The following GDPD4 variants were observed in gnomAD, a reference collection of about 807,000 sequenced individuals.
The protein encoded by GDPD4 is glycerophosphodiester phosphodiesterase 6.
Under a neutral mutation model 67.8 loss-of-function variants are expected in GDPD4, and 60 were observed. The ratio of observed to expected loss-of-function variants is 0.88; its 90% CI spans 0.72 to 1.10. The LOEUF is 1.10. Among genes scored for constraint, GDPD4 ranks in the 50% least tolerant of loss-of-function variants. The probability of loss-of-function intolerance (pLI) is 0.00; values close to 1 mark genes in which losing one functional copy is unlikely to be tolerated. For missense variants in GDPD4, 623 were observed against 613.9 expected, an observed-to-expected ratio of 1.01 and a Z score of -0.16; for synonymous variants, 212 against 210.9, an observed-to-expected ratio of 1.00 and a Z score of -0.04.
chr11:77,246,446 C>A (rs1361635842), intron 11 of GDPD4, among the ~76,000 whole-genome samples: 6 of 152,146 alleles, frequency 3.9e-5, no homozygotes, highest in Admixed American at 3.9e-4. Flanking sequence ...TTATTAACGA[C>A]TATATTTATA....
At chr11:77,233,948 T>C (rs990203297) in intron 13 of GDPD4, among the ~76,000 whole-genome samples, 3 of 152,226 alleles carry the variant, frequency 2.0e-5, no homozygotes, top group East Asian at 1.9e-4. Context: ...GAACTGTTTA[T>C]AGAGACAGGG....
At chr11:77,289,649 TGA>T (rs1937698633) in intron 1 of GDPD4, among the ~76,000 whole-genome samples, 1 of 151,104 alleles carries the variant, frequency 6.6e-6, no homozygotes, top group Admixed American at 6.6e-5. Context: ...AAGAATTGTT[TGA>T]ACCTGGAAGG....
chr11:77,236,732 AC>A (rs1591536320), intron 13 of GDPD4, among the ~76,000 whole-genome samples: 31 of 151,386 alleles, frequency 2.0e-4, no homozygotes, highest in South Asian at 1.0e-3. Flanking sequence ...AGAAGGAAAC[AC>A]ACACACACAC....
At chr11:77,223,110 T>C (rs1256017502) in intron 16 of GDPD4, among the ~76,000 whole-genome samples, 1 of 152,216 alleles carries the variant, frequency 6.6e-6, no homozygotes, top group Non-Finnish European at 1.5e-5. Flanking sequence ...TTATTCTAGT[T>C]AGCCATTCGT....
intron 10 of GDPD4, among the ~76,000 whole-genome samples, chr11:77,260,056 C>T (rs2007466): frequency 0.34 from 52,014 of 151,858 alleles, 9,175 homozygotes; most frequent in Admixed American, 0.46. Context: ...CGCGGTGGCT[C>T]ACGCCTGTAA....
chr11:77,219,371 A>C (rs1312075800), intron 16 of GDPD4, among the ~76,000 whole-genome samples: 1 of 152,164 alleles, frequency 6.6e-6, no homozygotes, highest in African/African-American at 2.4e-5. Context: ...TGCTGTGCAG[A>C]AGCTCTTTAA....
chr11:77,222,947 CTTCTCACTTCAT>C (rs1301380513), intron 16 of GDPD4, among the ~76,000 whole-genome samples: 1 of 151,946 alleles, frequency 6.6e-6, no homozygotes, highest in Non-Finnish European at 1.5e-5. Context: ...CTCTACTTCT[CTTCTCACTTCAT>C]TTCATTAATT....
chr11:77,217,797 G>A (rs1390692431), intron 16 of GDPD4, among the ~76,000 whole-genome samples: 2 of 152,132 alleles, frequency 1.3e-5, no homozygotes, highest in Admixed American at 6.6e-5. Flanking sequence ...AATGGAGCTA[G>A]GAGATCAAGA....
rs1461369066 is a variant in GDPD4 at position 77,248,710 on chromosome 11, CATTT to C, written c.865-3212_865-3209del. Among the ~76,000 whole-genome samples, 9 of 151,816 alleles carry C rather than the reference CATTT, an allele frequency of 5.9e-5. No homozygotes were observed. The East Asian group carries it at 1.8e-3, about 30-fold the overall frequency. On this transcript the variant is annotated intron_variant, in intron 11 of 16. Coordinates refer to ENST00000315938, the MANE Select transcript of GDPD4 (RefSeq NM_182833.3). ...TCTTCTCTATGGCACTTTCCCTGTA[CATTT>C]ATTTATTTATTTTTAATTTTTATTT...
chr11:77,252,039 TTTTTTTGTTTGTTTG>T (rs1482229889), intron 11 of GDPD4, among the ~76,000 whole-genome samples: 63 of 107,796 alleles, frequency 5.8e-4, no homozygotes, highest in African/African-American at 2.3e-3. Flanking sequence ...TCCATTTGGG[TTTTTTTGTTTGTTTG>T]TTTTTTTTTT....
Position 77,257,552 on chromosome 11 carries a change from T to TACACACAC in GDPD4, c.864+826_864+833dup, listed in dbSNP as rs71043563. Among the ~76,000 whole-genome samples, 445 of 134,330 alleles carry TACACACAC rather than the reference T, an allele frequency of 3.3e-3. 2 individuals are homozygous for TACACACAC. The highest frequency in any genetic ancestry group is 6.9e-3 in the African/African-American group (250 of 36,234). The allele number at this position is 134,330 out of a possible 152,430, so 88.1% of individuals were successfully genotyped here. A position where few individuals can be genotyped will look rare whatever the true frequency, so the allele number is the denominator to read the frequency against. ...TTCCTCTATCCCTCCCTCCCTCTCC[T>TACACACAC]ACACACACACACACACACACACACA... On this transcript the variant is annotated intron_variant, in intron 11 of 16. Coordinates refer to ENST00000315938, the MANE Select transcript of GDPD4 (RefSeq NM_182833.3).
chr11:77,225,270 C>T (rs1312482618), intron 16 of GDPD4, among the ~76,000 whole-genome samples: 1 of 149,692 alleles, frequency 6.7e-6, no homozygotes, highest in Non-Finnish European at 1.5e-5. Context: ...CACTGCACTC[C>T]AGCCTGGGCA....
At chr11:77,276,462 C>G (rs756333124) in intron 4 of GDPD4, among the ~76,000 whole-genome samples, 1 of 152,140 alleles carries the variant, frequency 6.6e-6, no homozygotes, top group Non-Finnish European at 1.5e-5. Context: ...AACTTTCACC[C>G]GCAACCTCAG....
At chr11:77,288,648 GA>G (rs1229551809) in intron 1 of GDPD4, among the ~76,000 whole-genome samples, 3 of 150,770 alleles carry the variant, frequency 2.0e-5, no homozygotes, top group South Asian at 2.1e-4. Flanking sequence ...ACATCTACAA[GA>G]AAAAAAAATC....
chr11:77,297,339 G>A (rs924094235), intron 1 of GDPD4, among the ~76,000 whole-genome samples: 1 of 151,740 alleles, frequency 6.6e-6, no homozygotes, highest in African/African-American at 2.4e-5. Flanking sequence ...GAGGTCAGGA[G>A]ATCAAGACCA....
intron 11 of GDPD4, among the ~76,000 whole-genome samples, chr11:77,250,034 A>C (rs2135850105): frequency 6.6e-6 from 1 of 152,364 alleles, no homozygotes; most frequent in South Asian, 2.1e-4. Flanking sequence ...ATAAAATTTT[A>C]TAAACACAGT....
rs1322785024 is a variant in GDPD4 at position 77,268,985 on chromosome 11, A to C, written c.563T>G (p.Ile188Ser). The change falls in exon 9 of 17, where the codon ATT (isoleucine) becomes AGT (serine). Residue 188 changes from isoleucine (I) to serine (S), a missense_variant. Coordinates refer to ENST00000315938, the MANE Select transcript of GDPD4 (RefSeq NM_182833.3). ...GGGCCCCAAATTCTCCTTCTCCTGA[A>C]TGCAGGGAGAATAAATCCCCAGTGG... ...LMPLGIYSPC[I>S]QEKENLGPKP... The C allele has an allele frequency of 8.7e-6, 14 of 1,613,884 alleles. No individual in the cohort carries two copies. Among genetic ancestry groups the C allele is most frequent in the Non-Finnish European group, 1.2e-5 (14 of 1,179,900 alleles).
intron 3 of GDPD4, among the ~76,000 whole-genome samples, chr11:77,283,416 A>C (rs1959847568): frequency 6.6e-6 from 1 of 152,124 alleles, no homozygotes; most frequent in South Asian, 2.1e-4. Context: ...CTTTGATACC[A>C]CTCAAGGGAT....
chr11:77,268,579 C>A, intron 9 of GDPD4, 40 bp from the exon 10 acceptor site: 1 of 1,443,102 alleles, frequency 6.9e-7, no homozygotes, highest in South Asian at 1.1e-5. Context: ...GCCTCAGAGT[C>A]TCTCCTCCCA....
Sources: allele counts gnomAD v4.1 joint callset (sites outside exome capture counted in the v4.1 genomes callset), GRCh38; gene constraint gnomAD v4.1.1; transcripts MANE v1.5; gene names NCBI Gene and HGNC (gene_info 2026-07-23, HGNC 2026-07-21).